SNTG1: variants seen among roughly 807,000 people sequenced by gnomAD.
SNTG1 encodes gamma-1-syntrophin.
Under a neutral mutation model 74.7 loss-of-function variants are expected in SNTG1, and 39 were observed. That is an observed-to-expected ratio of 0.52 (90% CI 0.40 to 0.68). The LOEUF (loss-of-function observed/expected upper bound fraction) is 0.68. Ranked by LOEUF, SNTG1 falls within the 30% of genes least tolerant of loss-of-function variation. The probability of loss-of-function intolerance (pLI) is 0.00; values close to 1 mark genes in which losing one functional copy is unlikely to be tolerated. For synonymous variants in SNTG1, 254 were observed against 217.1 expected (o/e 1.17, Z -1.49); for missense variants, 685 against 609.5 (o/e 1.12, Z -1.30).
At chr8:50,712,020 T>A (rs2095462921) in intron 17 of SNTG1, among the ~76,000 whole-genome samples, 1 of 152,210 alleles carries the variant, frequency 6.6e-6, no homozygotes, top group Admixed American at 6.6e-5. Context: ...GTGCATTAAT[T>A]AATTTTATAT....
intron 12 of SNTG1, among the ~76,000 whole-genome samples, chr8:50,557,062 T>G (rs1042252745): frequency 2.0e-5 from 3 of 152,084 alleles, no homozygotes; most frequent in Non-Finnish European, 4.4e-5. Flanking sequence ...ACAAGTTATT[T>G]ACTTCTTATT....
chr8:50,109,302 C>T (rs2080493565), intron 1 of SNTG1, among the ~76,000 whole-genome samples: 1 of 152,164 alleles, frequency 6.6e-6, no homozygotes, highest in South Asian at 2.1e-4. Flanking sequence ...ACAATTAATA[C>T]CTAATTCATG....
intron 1 of SNTG1, among the ~76,000 whole-genome samples, chr8:50,147,132 A>C (rs2081900573): frequency 6.6e-6 from 1 of 152,198 alleles, no homozygotes; most frequent in Non-Finnish European, 1.5e-5. Context: ...AAAGTGATAA[A>C]ATTCTTCTGC....
At chr8:50,627,102 C>T (rs956047722) in intron 13 of SNTG1, among the ~76,000 whole-genome samples, 1 of 152,068 alleles carries the variant, frequency 6.6e-6, no homozygotes, top group Non-Finnish European at 1.5e-5. Flanking sequence ...CTGACTTCTA[C>T]TTTTTCTGAT....
chr8:50,024,566 G>T (rs939510109), intron 1 of SNTG1, among the ~76,000 whole-genome samples: 1 of 152,044 alleles, frequency 6.6e-6, no homozygotes, highest in African/African-American at 2.4e-5. Flanking sequence ...ACTTCCAGTG[G>T]GTGCCTGAAA....
intron 18 of SNTG1, among the ~76,000 whole-genome samples, chr8:50,763,648 T>TTG (rs141415804): frequency 0.11 from 12,296 of 116,922 alleles, 656 homozygotes; most frequent in Admixed American, 0.13. Flanking sequence ...ATTGCCTTTA[T>TTG]TGTGTGTGTG....
At chr8:50,512,411 G>A (rs1432139439) in intron 9 of SNTG1, among the ~76,000 whole-genome samples, 5 of 151,936 alleles carry the variant, frequency 3.3e-5, no homozygotes, top group African/African-American at 9.7e-5. Context: ...TGCTCTTCTC[G>A]AGGAGTATCT....
chr8:50,495,816 C>T (rs2093898785), intron 8 of SNTG1, among the ~76,000 whole-genome samples: 1 of 152,104 alleles, frequency 6.6e-6, no homozygotes, highest in East Asian at 1.9e-4. Flanking sequence ...CCTCACCCTG[C>T]CACCAGAAGA....
chr8:50,012,615 C>T (rs1310354295), intron 1 of SNTG1, among the ~76,000 whole-genome samples: 1 of 152,080 alleles, frequency 6.6e-6, no homozygotes, highest in African/African-American at 2.4e-5. Context: ...CAGGAGATTA[C>T]TGCCATTGAA....
chr8:50,531,044 C>T (rs1052182929), intron 10 of SNTG1, among the ~76,000 whole-genome samples: 3 of 152,158 alleles, frequency 2.0e-5, no homozygotes, highest in African/African-American at 7.2e-5. Flanking sequence ...CATATAGCTT[C>T]TTCAACCGAC....
intron 2 of SNTG1, among the ~76,000 whole-genome samples, chr8:50,283,563 G>C (rs77299189): frequency 1.3e-5 from 2 of 151,992 alleles, no homozygotes; most frequent in African/African-American, 2.4e-5. Context: ...TTTTATATCC[G>C]TCAATTCCAG....
intron 2 of SNTG1, among the ~76,000 whole-genome samples, chr8:50,237,763 C>A (rs2085980468): frequency 6.6e-6 from 1 of 152,058 alleles, no homozygotes; most frequent in African/African-American, 2.4e-5. Flanking sequence ...CATATTGTCT[C>A]CTGAGTCTAT....
intron 1 of SNTG1, among the ~76,000 whole-genome samples, chr8:50,026,821 T>TA (rs1817304191): frequency 6.6e-6 from 1 of 152,196 alleles, no homozygotes; most frequent in Non-Finnish European, 1.5e-5. Context: ...TTGCATTGTT[T>TA]AAAACCTATA....
At chr8:49,940,634 G>A (rs1035783309) in intron 1 of SNTG1, among the ~76,000 whole-genome samples, 3 of 152,116 alleles carry the variant, frequency 2.0e-5, no homozygotes, top group Non-Finnish European at 2.9e-5. Context: ...ACCAAATGAC[G>A]TTTTGTAAAT....
In SNTG1 at chr8:50,595,122, A is replaced by G. The variant is rs958728145; in HGVS notation, c.849+4205A>G. Among the ~76,000 whole-genome samples, 18 of 151,762 alleles carry G rather than the reference A, an allele frequency of 1.2e-4. 1 individual carries two copies. The highest frequency in any genetic ancestry group is 1.1e-3 in the Admixed American group (16 of 15,214). ...TCTTTATTTTTGGGGAATGTCAAAA[A>G]TCTATTTTTTTCAATTTGAGAAAGA... On this transcript the variant is annotated intron_variant, in intron 13 of 18. Coordinates refer to ENST00000642720, the MANE Select transcript of SNTG1 (RefSeq NM_018967.5).
chr8:50,753,752 G>A (rs1289890428), intron 18 of SNTG1, among the ~76,000 whole-genome samples: 1 of 151,740 alleles, frequency 6.6e-6, no homozygotes, highest in Non-Finnish European at 1.5e-5. Flanking sequence ...ATATTTGGTT[G>A]AGTGTAATTC....
At chr8:50,690,903 C>T (rs1447055474) in intron 15 of SNTG1, among the ~76,000 whole-genome samples, 1 of 152,058 alleles carries the variant, frequency 6.6e-6, no homozygotes, top group Non-Finnish European at 1.5e-5. Flanking sequence ...GTAGGTCACT[C>T]AGGACTTGCT....
At chr8:50,532,531 G>T (rs781773312) in intron 10 of SNTG1, among the ~76,000 whole-genome samples, 3 of 152,216 alleles carry the variant, frequency 2.0e-5, no homozygotes, top group Non-Finnish European at 2.9e-5. Flanking sequence ...AACGTAAGTT[G>T]AGAGACTACA....
At chr8:50,139,238 T>C (rs1199359564) in intron 1 of SNTG1, among the ~76,000 whole-genome samples, 1 of 152,236 alleles carries the variant, frequency 6.6e-6, no homozygotes, top group Non-Finnish European at 1.5e-5. Context: ...AAAAAACATT[T>C]TTAATTGCAG....
Sources: allele counts gnomAD v4.1 joint callset (sites outside exome capture counted in the v4.1 genomes callset), GRCh38; gene constraint gnomAD v4.1.1; transcripts MANE v1.5; gene names NCBI Gene and HGNC (gene_info 2026-07-23, HGNC 2026-07-21).